Variants in ZEB2 observed in about 807,000 individuals in gnomAD.
ZEB2 encodes zinc finger E-box binding homeobox 2, also known as zinc finger E-box-binding homeobox 2.
In ZEB2, 6 loss-of-function variants were observed where a neutral mutation model predicts 99.9. The observed-to-expected ratio is 0.06, with a 90% CI of 0.03 to 0.12. The LOEUF (loss-of-function observed/expected upper bound fraction) is 0.12, where lower values mean the gene tolerates loss of function less well. Among genes scored for constraint, ZEB2 ranks in the 10% least tolerant of loss-of-function variants. ZEB2 has a pLI of 1.00. For synonymous variants in ZEB2, 517 were observed against 542.5 expected, an observed-to-expected ratio of 0.95 and a Z score of 0.65; for missense variants, 969 against 1,502.8, an observed-to-expected ratio of 0.64 and a Z score of 5.87.
At chr2:144,398,156 C>A in intron 8 of ZEB2, 145 bp downstream of exon 8, 1 of 951,488 alleles carries the variant, frequency 1.1e-6, no homozygotes, top group South Asian at 1.5e-5. Flanking sequence ...ATTGTTCTAG[C>A]CCACTGATGG....
intron 4 of ZEB2, among the ~76,000 whole-genome samples, chr2:144,411,384 A>G (rs556686873): frequency 5.9e-5 from 9 of 152,220 alleles, no homozygotes; most frequent in African/African-American, 1.9e-4. Context: ...AGTTTAAGGA[A>G]GCACATATTC....
At chr2:144,500,171 T>C (rs1573805230) in intron 2 of ZEB2, among the ~76,000 whole-genome samples, 1 of 152,204 alleles carries the variant, frequency 6.6e-6, no homozygotes, top group Non-Finnish European at 1.5e-5. Context: ...CAATTTCCAA[T>C]GCTAATTACA....
rs1476863930 is a variant in ZEB2 at position 144,385,667 on chromosome 2, C to T, written c.*3784G>A. The stretch of plus-strand genomic sequence containing the variant: ...CTTGTTTGTGTGTATATCCAGGGCC[C>T]TACAGCCCCTGAATGGCCTCACACA... On this transcript the variant is annotated 3_prime_UTR_variant, in exon 10 of 10. Coordinates refer to ENST00000627532, the MANE Select transcript of ZEB2 (RefSeq NM_014795.4). 6.6e-6 allele frequency: 1 copy of T among 152,138 alleles called. No homozygotes were observed. The highest frequency in any genetic ancestry group is 1.9e-4 in the East Asian group (1 of 5,196). The allele number at this position is 152,138 out of a possible 1,614,324, so 9.4% of individuals were successfully genotyped here. A position where few individuals can be genotyped will look rare whatever the true frequency, so the allele number is the denominator to read the frequency against.
At chr2:144,500,501 C>T (rs1371668230) in intron 2 of ZEB2, among the ~76,000 whole-genome samples, 1 of 152,054 alleles carries the variant, frequency 6.6e-6, no homozygotes, top group African/African-American at 2.4e-5. Context: ...ATTGCTGCGG[C>T]GTATATTTTG....
At chr2:144,471,383 C>T (rs976366166) in intron 2 of ZEB2, among the ~76,000 whole-genome samples, 16 of 152,252 alleles carry the variant, frequency 1.1e-4, no homozygotes, top group Non-Finnish European at 2.2e-4. Flanking sequence ...AATCACAAAC[C>T]TCCTTCAACA....
chr2:144,488,797 A>AT, intron 2 of ZEB2, among the ~76,000 whole-genome samples: 1 of 152,248 alleles, frequency 6.6e-6, no homozygotes, highest in South Asian at 2.1e-4. Flanking sequence ...TTAGAAAAAC[A>AT]TTAAAGTTTC....
At chr2:144,412,223 C>T (rs1298775332) in intron 4 of ZEB2, among the ~76,000 whole-genome samples, 2 of 152,162 alleles carry the variant, frequency 1.3e-5, no homozygotes, top group Non-Finnish European at 2.9e-5. Flanking sequence ...GAGCCGAGAT[C>T]GTGCCACTGC....
At chr2:144,484,185 T>TTGTGTGTGTG (rs10529605) in intron 2 of ZEB2, among the ~76,000 whole-genome samples, 12,027 of 142,436 alleles carry the variant, frequency 0.084, 608 homozygotes, top group East Asian at 0.12. Flanking sequence ...AAATCTGGAT[T>TTGTGTGTGTG]TGTGTGTGTG....
At chr2:144,514,100 C>A in intron 2 of ZEB2, 1 of 363,318 alleles carries the variant, frequency 2.8e-6, no homozygotes, top group South Asian at 4.0e-5. Flanking sequence ...CCTGGCACTG[C>A]CTCTGCCAGG....
At chr2:144,420,481 T>C (rs1703605096) in intron 4 of ZEB2, among the ~76,000 whole-genome samples, 2 of 152,166 alleles carry the variant, frequency 1.3e-5, no homozygotes, top group South Asian at 4.1e-4. Flanking sequence ...ACCAGGATGA[T>C]CCACCCTCAT....
chr2:144,502,883 C>T (rs1704894784), intron 2 of ZEB2, among the ~76,000 whole-genome samples: 1 of 151,590 alleles, frequency 6.6e-6, no homozygotes, highest in Non-Finnish European at 1.5e-5. Context: ...TGGTGATGTG[C>T]CTACCCTTAT....
intron 6 of ZEB2, among the ~76,000 whole-genome samples, chr2:144,402,709 C>T (rs916842120): frequency 6.6e-6 from 1 of 152,134 alleles, no homozygotes; most frequent in Non-Finnish European, 1.5e-5. Context: ...AATATCTAGG[C>T]ACTTTTTTTT....
intron 6 of ZEB2, among the ~76,000 whole-genome samples, chr2:144,402,035 G>T (rs1035626318): frequency 2.0e-5 from 3 of 152,150 alleles, no homozygotes; most frequent in African/African-American, 7.2e-5. Context: ...CAGGCCAGTA[G>T]GAAAGACTTC....
At chr2:144,449,814 G>A (rs545047229) in intron 2 of ZEB2, 5 of 152,306 alleles carry the variant, frequency 3.3e-5, no homozygotes, top group Non-Finnish European at 5.9e-5. Context: ...CAACTGAGTC[G>A]GGGCAGTGTA....
At chr2:144,441,503 G>C (rs1453634581) in intron 2 of ZEB2, among the ~76,000 whole-genome samples, 3 of 148,740 alleles carry the variant, frequency 2.0e-5, no homozygotes, top group Non-Finnish European at 4.4e-5. Context: ...TCAAGGAACA[G>C]GTTACACAAG....
rs886042422 is a variant in ZEB2, at chr2:144,424,787, A to G, written c.403+9T>C. ...CAAATGTGATCTGAGCGTGGCCAAC[A>G]TAACTCACCTGTACCATTGTTAATT... On this transcript the variant is annotated intron_variant, in intron 4 of 9. Coordinates refer to ENST00000627532, the MANE Select transcript of ZEB2 (RefSeq NM_014795.4). 6.2e-7 allele frequency: 1 copy of G among 1,613,932 alleles called. No individual in the cohort carries two copies. The highest frequency in any genetic ancestry group is 1.3e-5 in the African/African-American group (1 of 74,930).
intron 4 of ZEB2, among the ~76,000 whole-genome samples, chr2:144,407,984 C>T (rs528437702): frequency 6.6e-6 from 1 of 152,022 alleles, no homozygotes; most frequent in South Asian, 2.1e-4. Flanking sequence ...GCATTAATAG[C>T]CTTTTGGCTT....
chr2:144,411,116 TCA>T, intron 4 of ZEB2, among the ~76,000 whole-genome samples: 1 of 58,790 alleles, frequency 1.7e-5, no homozygotes. Context: ...ATAGGGCATC[TCA>T]TATATACACA....
intron 2 of ZEB2, among the ~76,000 whole-genome samples, chr2:144,493,938 G>C (rs1393369280): frequency 1.3e-5 from 2 of 151,972 alleles, no homozygotes; most frequent in Admixed American, 6.6e-5. Context: ...GGATCACGAG[G>C]TCAGGAGATC....
Sources: gnomAD v4.1 joint callset for allele counts (sites outside exome capture counted in the v4.1 genomes callset) on GRCh38, gnomAD v4.1.1 for gene constraint, MANE v1.5 for transcripts, NCBI Gene and HGNC (gene_info 2026-07-23, HGNC 2026-07-21) for gene names.